Variants in TSPEAR observed in about 807,000 individuals in gnomAD.
The protein encoded by TSPEAR is thrombospondin-type laminin G domain and EAR repeat-containing protein.
A neutral mutation model predicts 71.6 loss-of-function variants in TSPEAR; 69 were observed. The ratio of observed to expected loss-of-function variants is 0.96; its 90% CI spans 0.79 to 1.18. The LOEUF is 1.18. Ranked by LOEUF, TSPEAR falls within the 50% of genes most tolerant of loss-of-function variation. The probability of loss-of-function intolerance (pLI) is 0.00; values close to 1 mark genes in which losing one functional copy is unlikely to be tolerated. For missense variants in TSPEAR, 971 were observed against 894.9 expected (o/e 1.09, Z -1.09); for synonymous variants, 402 against 387.2 (o/e 1.04, Z -0.45).
In TSPEAR at chr21:44,520,060, C is replaced by T. The variant is rs587761747; in HGVS notation, c.1566+1823G>A. The T allele has an allele frequency of 3.9e-5, 6 of 152,562 alleles. No homozygotes were observed. In the South Asian group the frequency reaches 1.2e-3, roughly 32 times the overall value. The allele number at this position is 152,562 out of a possible 1,614,324, so 9.5% of individuals were successfully genotyped here. On this transcript the variant is annotated intron_variant, in intron 9 of 11. Coordinates refer to ENST00000323084, the MANE Select transcript of TSPEAR (RefSeq NM_144991.3). The surrounding 1 kb of genome is among the most constrained non-coding windows in gnomAD (Gnocchi z 4.2). The stretch of plus-strand genomic sequence containing the variant: ...CGCCTCTTCCTGGCTCCCAGGCACG[C>T]TCACCTGTTCCATCCACAGCACTAG...
intron 1 of TSPEAR, among the ~76,000 whole-genome samples, chr21:44,616,280 G>C (rs76799500): frequency 6.6e-6 from 1 of 152,170 alleles, no homozygotes; most frequent in Admixed American, 6.5e-5. Context: ...ACGCTCTCAC[G>C]GTGCCCTTTT....
At chr21:44,627,823 G>A in intron 1 of TSPEAR, 1 of 1,613,630 alleles carries the variant, frequency 6.2e-7, no homozygotes, top group South Asian at 1.1e-5. Context: ...CTGCCAGCCG[G>A]CTTGCTGCAC....
intron 1 of TSPEAR, among the ~76,000 whole-genome samples, chr21:44,615,449 G>T (rs1555932207): frequency 1.3e-5 from 2 of 152,114 alleles, no homozygotes; most frequent in Non-Finnish European, 2.9e-5. Flanking sequence ...ATTTTCCAGA[G>T]AAATAGCTGG....
intron 1 of TSPEAR, among the ~76,000 whole-genome samples, chr21:44,657,397 G>A (rs1985216578): frequency 6.6e-6 from 1 of 152,168 alleles, no homozygotes; most frequent in South Asian, 2.1e-4. Context: ...GCCTTTGCAT[G>A]TTACAGTCTC....
intron 2 of TSPEAR, among the ~76,000 whole-genome samples, chr21:44,545,022 TAA>T (rs587772545): frequency 7.7e-5 from 11 of 143,014 alleles, no homozygotes; most frequent in South Asian, 2.2e-4. Context: ...TCTCTGTAAT[TAA>T]AAAAAAAAAA....
intron 1 of TSPEAR, chr21:44,647,738 G>T: frequency 3.4e-6 from 1 of 292,058 alleles, no homozygotes; most frequent in Non-Finnish European, 6.7e-6. Context: ...CTTGTTAAAG[G>T]CAGACAGGAC....
At chr21:44,540,788 C>G (rs1177751846) in intron 2 of TSPEAR, among the ~76,000 whole-genome samples, 1 of 152,140 alleles carries the variant, frequency 6.6e-6, no homozygotes, top group Non-Finnish European at 1.5e-5. Context: ...AGGCCATGCC[C>G]CTCCCCACGG....
intron 2 of TSPEAR, among the ~76,000 whole-genome samples, chr21:44,544,167 C>T (rs2053264738): frequency 6.6e-6 from 1 of 152,138 alleles, no homozygotes; most frequent in African/African-American, 2.4e-5. Context: ...AAACATGTTT[C>T]CATGTGTTTA....
At chr21:44,601,566 C>T (rs437334) in intron 1 of TSPEAR, 138,561 of 1,613,708 alleles carry the variant, frequency 0.086, 11,172 homozygotes, top group African/African-American at 0.4. Flanking sequence ...TCTGCCGCCC[C>T]GTGTGCAGGC....
At chr21:44,523,086 T>TCAGCCAGCCAGC (rs1239260457) in intron 8 of TSPEAR, among the ~76,000 whole-genome samples, 1 of 140,118 alleles carries the variant, frequency 7.1e-6, no homozygotes, top group Non-Finnish European at 1.5e-5. Flanking sequence ...AGTCAGTCAG[T>TCAGCCAGCCAGC]CAGCCAGCCA....
chr21:44,591,883 G>T (rs199511488), intron 1 of TSPEAR: 3 of 1,594,048 alleles, frequency 1.9e-6, no homozygotes, highest in African/African-American at 1.6e-5. Context: ...GCAGGAGCTG[G>T]TGCAGCCTGA....
intron 2 of TSPEAR, chr21:44,550,675 C>G (rs2053399985): frequency 6.2e-7 from 1 of 1,612,442 alleles, no homozygotes; most frequent in African/African-American, 1.3e-5. Context: ...CCGGCTGGCC[C>G]TGGGGGACAT....
rs374875257 is a variant in TSPEAR, at chr21:44,539,330, C to T, written c.304-5407G>A. 109 of 1,611,348 alleles carry T rather than the reference C, an allele frequency of 6.8e-5. No individual in the cohort carries two copies. Among genetic ancestry groups the T allele is most frequent in the East Asian group, 8.9e-5 (4 of 44,850 alleles). Reference sequence around the variant, plus strand: ...GCAGGCCGGGCGGGAGCACGCGGGGCGGCAGAGGAGGGACACGCAGGAGGC... The same window carrying T: ...GCAGGCCGGGCGGGAGCACGCGGGGTGGCAGAGGAGGGACACGCAGGAGGC... On this transcript the variant is annotated intron_variant, in intron 2 of 11. Transcript: ENST00000323084.
At chr21:44,634,042 C>T (rs782105627) in intron 1 of TSPEAR, among the ~76,000 whole-genome samples, 14 of 152,162 alleles carry the variant, frequency 9.2e-5, no homozygotes, top group South Asian at 2.1e-4. Context: ...GCCAAGAGTT[C>T]GAGACCAGCC....
intron 1 of TSPEAR, among the ~76,000 whole-genome samples, chr21:44,607,610 G>A (rs782625802): frequency 1.2e-4 from 19 of 152,200 alleles, no homozygotes; most frequent in African/African-American, 1.7e-4. Context: ...TTAGTAAATC[G>A]GATTTTACTA....
chr21:44,574,452 G>T, intron 1 of TSPEAR: 1 of 1,601,130 alleles, frequency 6.2e-7, no homozygotes, highest in Non-Finnish European at 8.5e-7. Flanking sequence ...CTGCGTGCCC[G>T]TCTGCTGCAA....
chr21:44,649,233 C>T (rs1348010129), intron 1 of TSPEAR, among the ~76,000 whole-genome samples: 1 of 152,196 alleles, frequency 6.6e-6, no homozygotes, highest in Non-Finnish European at 1.5e-5. Context: ...CAGACACCCT[C>T]GCCCAGTTGT....
Position 44,612,816 on chromosome 21 carries a change from G to A in TSPEAR, c.83-44811C>T, listed in dbSNP as rs782474951. On this transcript the variant is annotated intron_variant, in intron 1 of 11. Transcript: ENST00000323084. This position sits in a 1 kb window ranked among gnomAD's most constrained non-coding sequence, Gnocchi z 4.1. ...CCTGCCTCCTCCTGCCAGCCCAGCT[G>A]CTGCCACCCGGCCTCCTGCCTGTCC... 1.9e-6 allele frequency: 3 copies of A among 1,612,920 alleles called. No homozygotes were observed. Among genetic ancestry groups the A allele is most frequent in the Non-Finnish European group, 2.5e-6 (3 of 1,179,788 alleles).
intron 1 of TSPEAR, among the ~76,000 whole-genome samples, chr21:44,655,374 G>A (rs1569243490): frequency 1.3e-5 from 2 of 152,200 alleles, no homozygotes; most frequent in South Asian, 2.1e-4. Flanking sequence ...GAACCAGCTC[G>A]GACAGAGAAG....
Sources: allele counts gnomAD v4.1 joint callset (sites outside exome capture counted in the v4.1 genomes callset), GRCh38; gene constraint gnomAD v4.1.1; non-coding constraint Gnocchi (gnomAD v3.1); transcripts MANE v1.5; gene names NCBI Gene and HGNC (gene_info 2026-07-23, HGNC 2026-07-21).